PCDH7: variants seen among roughly 807,000 people sequenced by gnomAD.
The protein encoded by PCDH7 is protocadherin-7.
PCDH7 carries 17 observed loss-of-function variants against 58.9 expected under a neutral mutation model. The ratio of observed to expected loss-of-function variants is 0.29; its 90% confidence interval spans 0.20 to 0.43. PCDH7 has a LOEUF of 0.43. PCDH7 is among the 20% of genes least tolerant of loss of function. The probability of loss-of-function intolerance (pLI) is 1.00; values close to 1 mark genes in which losing one functional copy is unlikely to be tolerated. For synonymous variants in PCDH7, 664 were observed against 616.4 expected, an observed-to-expected ratio of 1.08 and a Z score of -1.14; for missense variants, 1,274 against 1,441.0, an observed-to-expected ratio of 0.88 and a Z score of 1.88.
chr4:30,939,603 G>T (rs929169764), intron 2 of PCDH7, among the ~76,000 whole-genome samples: 26 of 152,070 alleles, frequency 1.7e-4, no homozygotes, highest in Non-Finnish European at 3.7e-4. Context: ...ACTTGGTAAT[G>T]TAAATGTGAG....
intron 1 of PCDH7, among the ~76,000 whole-genome samples, chr4:30,787,636 G>T (rs1244984147): frequency 2.6e-5 from 4 of 152,028 alleles, no homozygotes; most frequent in Admixed American, 2.6e-4. Context: ...ATTTATATAT[G>T]CAGAAGAGGG....
Position 31,108,369 on chromosome 4 carries a change from TAAAAAAAAAAAAAAAAAAAAAAAA to T in PCDH7, c.*8-34087_*8-34064del, listed in dbSNP as rs71190491. 7.7e-4 allele frequency among the ~76,000 whole-genome samples: 46 copies of T among 60,094 alleles called. 3 individuals are homozygous for T. In the Admixed American group the frequency reaches 9.8e-3, roughly 13 times the overall value. The allele number at this position is 60,094 out of a possible 152,430, so 39.4% of individuals were successfully genotyped here. ...GTAGACTGTAACATACAGCATACAG[TAAAAAAAAAAAAAAAAAAAAAAAA>T]AAAAAAAAAAAAAAAATCACTTTCT... On this transcript the variant is annotated intron_variant, in intron 3 of 3. Transcript: ENST00000509759.
intron 1 of PCDH7, among the ~76,000 whole-genome samples, chr4:30,897,050 G>A (rs572124231): frequency 2.1e-3 from 319 of 151,484 alleles, no homozygotes; most frequent in African/African-American, 7.5e-3. Context: ...GACTACAGGC[G>A]CCCACCACCA....
At chr4:30,773,236 A>G (rs1461664251) in intron 1 of PCDH7, among the ~76,000 whole-genome samples, 3 of 152,204 alleles carry the variant, frequency 2.0e-5, no homozygotes, top group African/African-American at 4.8e-5. Flanking sequence ...ATTTCTTGCT[A>G]AAAGTTGAGT....
chr4:31,094,739 G>A (rs1303519671), intron 3 of PCDH7, among the ~76,000 whole-genome samples: 1 of 152,008 alleles, frequency 6.6e-6, no homozygotes, highest in African/African-American at 2.4e-5. Context: ...AAATTGTACA[G>A]TTTAGCTGAA....
chr4:31,001,168 A>G (rs1752335226), intron 3 of PCDH7, among the ~76,000 whole-genome samples: 1 of 152,046 alleles, frequency 6.6e-6, no homozygotes, highest in East Asian at 1.9e-4. Context: ...AAAAAAGTTC[A>G]TAAAATAGTC....
chr4:30,976,385 C>T lies in PCDH7; in HGVS notation c.*7+26170C>T, dbSNP rs1182364253. 2.8e-5 allele frequency among the ~76,000 whole-genome samples: 4 copies of T among 144,520 alleles called. No individual in the cohort carries two copies. In the East Asian group the frequency reaches 8.2e-4, roughly 30 times the overall value. 94.8% of individuals were successfully genotyped at this position (144,520 alleles called of 152,430 possible). The stretch of plus-strand genomic sequence containing the variant: ...GAATTACAGGCATGAGCCACCACGC[C>T]GGGCCATAAAATACTTTTTTTTTTT... On this transcript the variant is annotated intron_variant, in intron 3 of 3. Transcript: ENST00000509759.
chr4:31,055,102 G>C (rs961297931), intron 3 of PCDH7, among the ~76,000 whole-genome samples: 1 of 152,052 alleles, frequency 6.6e-6, no homozygotes, highest in African/African-American at 2.4e-5. Context: ...ATTTGACATT[G>C]AAGCTCACTA....
At chr4:31,075,202 T>C (rs1758886359) in intron 3 of PCDH7, among the ~76,000 whole-genome samples, 2 of 152,166 alleles carry the variant, frequency 1.3e-5, no homozygotes, top group African/African-American at 4.8e-5. Flanking sequence ...CTTATCTCTG[T>C]TCTATAATCA....
At chr4:30,806,160 T>A (rs1007980918) in intron 1 of PCDH7, among the ~76,000 whole-genome samples, 2 of 152,078 alleles carry the variant, frequency 1.3e-5, no homozygotes, top group African/African-American at 4.8e-5. Context: ...TGGCTGTTGA[T>A]CACATTGAGA....
At chr4:30,914,259 GGTAC>G (rs1742131954) in intron 1 of PCDH7, among the ~76,000 whole-genome samples, 1 of 152,160 alleles carries the variant, frequency 6.6e-6, no homozygotes, top group Non-Finnish European at 1.5e-5. Flanking sequence ...GGAGAATGAT[GGTAC>G]GTACAATGCT....
chr4:30,894,490 A>AATATATATAT (rs1553909430), intron 1 of PCDH7, among the ~76,000 whole-genome samples: 33 of 33,500 alleles, frequency 9.9e-4, no homozygotes, highest in South Asian at 2.9e-3. Context: ...AAAAAAAAAA[A>AATATATATAT]ATATATATAT....
intron 1 of PCDH7, among the ~76,000 whole-genome samples, chr4:30,738,243 A>C (rs1716569384): frequency 6.6e-6 from 1 of 152,168 alleles, no homozygotes; most frequent in South Asian, 2.1e-4. Context: ...TCTGAGCAAA[A>C]ACACATTGGA....
rs762393688 is a variant in PCDH7 at position 30,721,620 on chromosome 4, C to A, written c.198C>A (p.Phe66Leu). Reference sequence around the variant, plus strand: ...TGACCGGATCGGGTGAGGTGACTTTCAGCCTGGAGTCCGGTTCCGAGTACC... The same window carrying A: ...TGACCGGATCGGGTGAGGTGACTTTAAGCCTGGAGTCCGGTTCCGAGTACC... The change falls in exon 1 of 2, where the codon TTC becomes TTA. Residue 66 changes from phenylalanine (F) to leucine (L), a missense_variant. By Grantham distance (22) the Phe-to-Leu change is conservative. This residue lies in a region of PCDH7 where 212 missense variants were observed against 255.8 expected (regional missense o/e 0.83). Coordinates refer to ENST00000361762, the Ensembl canonical transcript of PCDH7. The surrounding 1 kb of genome is among the most constrained non-coding windows in gnomAD (Gnocchi z 6.7). 1 of 1,613,214 alleles carries A rather than the reference C, an allele frequency of 6.2e-7. No individual in the cohort carries two copies. The highest frequency in any genetic ancestry group is 8.5e-7 in the Non-Finnish European group (1 of 1,179,926).
intron 3 of PCDH7, among the ~76,000 whole-genome samples, chr4:31,122,516 T>C (rs1717813354): frequency 6.6e-6 from 1 of 152,190 alleles, no homozygotes; most frequent in South Asian, 2.1e-4. Flanking sequence ...TTTTCTAACT[T>C]TTCCCCCTCT....
chr4:30,781,764 G>A (rs1186424653), intron 1 of PCDH7, among the ~76,000 whole-genome samples: 1 of 151,168 alleles, frequency 6.6e-6, no homozygotes, highest in Non-Finnish European at 1.5e-5. Context: ...TTGAACTCCC[G>A]ACCTCAGGTG....
At chr4:30,741,906 A>C (rs1242699974) in intron 1 of PCDH7, among the ~76,000 whole-genome samples, 2 of 152,220 alleles carry the variant, frequency 1.3e-5, no homozygotes, top group Non-Finnish European at 2.9e-5. Context: ...AGAAGAAGAA[A>C]AGATTGAGGA....
intron 1 of PCDH7, among the ~76,000 whole-genome samples, chr4:30,900,471 A>G (rs1740065506): frequency 6.6e-6 from 1 of 152,196 alleles, no homozygotes; most frequent in Admixed American, 6.5e-5. Context: ...TGAAATATAT[A>G]CTACTTATGA....
At chr4:31,093,476 A>T (rs911061136) in intron 3 of PCDH7, among the ~76,000 whole-genome samples, 2 of 152,068 alleles carry the variant, frequency 1.3e-5, no homozygotes, top group Non-Finnish European at 2.9e-5. Flanking sequence ...CCATTTCTTG[A>T]GGCAGTAGAA....
Sources: gnomAD v4.1 joint callset for allele counts (sites outside exome capture counted in the v4.1 genomes callset) on GRCh38, gnomAD v4.1.1 for gene constraint, gnomAD v4.1.1 regional missense constraint, Gnocchi (gnomAD v3.1) non-coding constraint, MANE v1.5 for transcripts, NCBI Gene and HGNC (gene_info 2026-07-23, HGNC 2026-07-21) for gene names.